Variants in RNF19A observed in about 807,000 individuals in gnomAD.
RNF19A encodes the protein ring finger protein 19A, RBR E3 ubiquitin protein ligase.
A neutral mutation model predicts 75.7 loss-of-function variants in RNF19A; 32 were observed. The ratio of observed to expected loss-of-function variants is 0.42; its 90% CI spans 0.32 to 0.57. RNF19A has a LOEUF of 0.57. Among genes scored for constraint, RNF19A ranks in the 20% least tolerant of loss-of-function variants. The probability of loss-of-function intolerance (pLI) is 0.10; values close to 1 mark genes in which losing one functional copy is unlikely to be tolerated. For synonymous variants in RNF19A, 335 were observed against 345.2 expected, an observed-to-expected ratio of 0.97 and a Z score of 0.33; for missense variants, 782 against 1,036.3, an observed-to-expected ratio of 0.75 and a Z score of 3.37.
In RNF19A at chr8:100,288,103, T is replaced by G. The variant is rs747610458; in HGVS notation, c.72A>C (p.Ser24=). 1 of 1,614,128 alleles carries G rather than the reference T, an allele frequency of 6.2e-7. No homozygotes were observed. Residue 24 remains serine, a synonymous_variant, in exon 2 of 10, where the codon TCA becomes TCC. Coordinates refer to ENST00000341084, the MANE Select transcript of RNF19A (RefSeq NM_183419.4). The part of the protein sequence containing the change: ...EGLCVNTDPV[S]ILTSILDMSL... Reference sequence around the variant, plus strand: ...TCATGTCTAAAATGCTTGTTAGAATTGAGACAGGGTCAGTGTTTACACACA... The same window carrying G: ...TCATGTCTAAAATGCTTGTTAGAATGGAGACAGGGTCAGTGTTTACACACA...
chr8:100,323,301 T>C lies in RNF19A; in HGVS notation c.-242-9929A>G, dbSNP rs1788185. Among the ~76,000 whole-genome samples, 49,430 of 152,136 alleles carry C rather than the reference T, an allele frequency of 0.32. 8,705 individuals carry two copies. The highest frequency in any genetic ancestry group is 0.41 in the East Asian group (2,146 of 5,176). On this transcript the variant is annotated intron_variant, in intron 1 of 3. Coordinates refer to the RNF19A transcript ENST00000519527. The surrounding 1 kb of genome is among the most constrained non-coding windows in gnomAD (Gnocchi z 4.6). ...ACTTTATTCTTCTCTGTAATATCAT[T>C]TTTGGAAGTTTTATCTGAATATTTT...
At chr8:100,292,156 T>C (rs1015053333) in intron 1 of RNF19A, among the ~76,000 whole-genome samples, 2 of 152,026 alleles carry the variant, frequency 1.3e-5, no homozygotes, top group Non-Finnish European at 2.9e-5. Flanking sequence ...TACAAAAGAA[T>C]AACAAGCTAT....
In RNF19A at chr8:100,322,663, G is replaced by C. The variant is rs1232503530; in HGVS notation, c.-242-9291C>G. ...GCTTTTGGCCTGCCTTCCTCATTAA[G>C]CTTAATCATTTCTTGTTTTTTGGTT... On this transcript the variant is annotated intron_variant, in intron 1 of 3. Coordinates refer to the RNF19A transcript ENST00000519527. This position sits in a 1 kb window ranked among gnomAD's most constrained non-coding sequence, Gnocchi z 5.1. Among the ~76,000 whole-genome samples, 2 of 152,234 alleles carry C rather than the reference G, an allele frequency of 1.3e-5. No individual in the cohort carries two copies. Among genetic ancestry groups the C allele is most frequent in the Non-Finnish European group, 2.9e-5 (2 of 68,056 alleles).
At chr8:100,295,430 G>A (rs1005168724) in intron 1 of RNF19A, among the ~76,000 whole-genome samples, 2 of 151,978 alleles carry the variant, frequency 1.3e-5, no homozygotes, top group Non-Finnish European at 2.9e-5. Flanking sequence ...CTAGTATACA[G>A]AATATTCATT....
At chr8:100,306,322 C>A (rs1822059021) in intron 1 of RNF19A, among the ~76,000 whole-genome samples, 1 of 152,150 alleles carries the variant, frequency 6.6e-6, no homozygotes, top group African/African-American at 2.4e-5. Flanking sequence ...AACAACTGAA[C>A]ACTTCTGTCA....
At position 100,258,099 on chromosome 8, in the gene RNF19A, G is replaced by T; in HGVS notation, c.*457C>A. ...TGCCGATATAAATAGAAATGTTACAGAGTATCATATACTGAGAGTAACCTA... is the reference window on the plus strand; with the variant it reads ...TGCCGATATAAATAGAAATGTTACATAGTATCATATACTGAGAGTAACCTA... On this transcript the variant is annotated 3_prime_UTR_variant, in exon 10 of 10. Coordinates refer to ENST00000341084, the MANE Select transcript of RNF19A (RefSeq NM_183419.4). This position sits in a 1 kb window ranked among gnomAD's most constrained non-coding sequence, Gnocchi z 4.3. The T allele has an allele frequency of 2.5e-6, 1 of 398,934 alleles. No individual in the cohort carries two copies. Among genetic ancestry groups the T allele is most frequent in the South Asian group, 1.3e-4 (1 of 7,854 alleles). 24.7% of individuals were successfully genotyped at this position (398,934 alleles called of 1,614,324 possible). A position where few individuals can be genotyped will look rare whatever the true frequency, so the allele number is the denominator to read the frequency against.
chr8:100,284,424 T>C lies in RNF19A; in HGVS notation c.674+3077A>G, dbSNP rs1563849653. 6.6e-6 allele frequency among the ~76,000 whole-genome samples: 1 copy of C among 152,228 alleles called. No homozygotes were observed. The highest frequency in any genetic ancestry group is 1.5e-5 in the Non-Finnish European group (1 of 67,958). ...AGAGCAGTATAAGTCAAATATAAAA[T>C]AAAATACACAAAAGTAATCTCTGTG... On this transcript the variant is annotated intron_variant, in intron 2 of 9. Coordinates refer to ENST00000341084, the MANE Select transcript of RNF19A (RefSeq NM_183419.4). The surrounding 1 kb of genome is among the most constrained non-coding windows in gnomAD (Gnocchi z 4.3).
chr8:100,280,389 C>G (rs1330040105), intron 2 of RNF19A, among the ~76,000 whole-genome samples: 1 of 152,060 alleles, frequency 6.6e-6, no homozygotes, highest in Non-Finnish European at 1.5e-5. Flanking sequence ...GAGAGGAAGA[C>G]AGAGGACAGG....
rs868166222 is a variant in RNF19A at position 100,275,895 on chromosome 8, A to T, written c.675-734T>A. ...TGTGATAATTTTGTATGTATGCAGA[A>T]GTCACACATTTTTCTTCCTAAGATG... On this transcript the variant is annotated intron_variant, in intron 2 of 9. Transcript: ENST00000341084. The surrounding 1 kb of genome is among the most constrained non-coding windows in gnomAD (Gnocchi z 4.3). Among the ~76,000 whole-genome samples, 1 of 152,194 alleles carries T rather than the reference A, an allele frequency of 6.6e-6. No homozygotes were observed. The highest frequency in any genetic ancestry group is 1.5e-5 in the Non-Finnish European group (1 of 68,026).
In RNF19A at chr8:100,329,777, T is replaced by G. The variant is rs1822586416; in HGVS notation, c.-243+6331A>C. On this transcript the variant is annotated intron_variant, in intron 1 of 3. Coordinates refer to the RNF19A transcript ENST00000519527. This position sits in a 1 kb window ranked among gnomAD's most constrained non-coding sequence, Gnocchi z 4.3. ...ATCGTCTGATGAAAGAAGAAGTAGC[T>G]TCATGGTTTGTTAATCCAGAGGGCA... 6.6e-6 allele frequency among the ~76,000 whole-genome samples: 1 copy of G among 152,188 alleles called. No homozygotes were observed. Among genetic ancestry groups the G allele is most frequent in the Non-Finnish European group, 1.5e-5 (1 of 68,038 alleles).
chr8:100,305,424 G>A (rs1042196367), intron 1 of RNF19A, among the ~76,000 whole-genome samples: 8 of 152,220 alleles, frequency 5.3e-5, no homozygotes, highest in South Asian at 2.1e-4. Context: ...CATACAAAAC[G>A]CCCCTAGAGC....
intron 2 of RNF19A, among the ~76,000 whole-genome samples, chr8:100,286,341 T>C (rs896730861): frequency 1.3e-5 from 2 of 152,210 alleles, no homozygotes; most frequent in Middle Eastern, 6.3e-3. Context: ...ATCTATATTA[T>C]AGTACAAGCT....
intron 1 of RNF19A, among the ~76,000 whole-genome samples, chr8:100,293,081 A>C (rs1378296107): frequency 1.3e-5 from 2 of 152,200 alleles, no homozygotes; most frequent in East Asian, 1.9e-4. Flanking sequence ...TCCTATGAGA[A>C]ATCATTGTTG....
At position 100,259,720 on chromosome 8, in the gene RNF19A, G is replaced by A; in HGVS notation, c.1826+134C>T. On this transcript the variant is annotated intron_variant, in intron 9 of 9. Transcript: ENST00000341084. The surrounding 1 kb of genome is among the most constrained non-coding windows in gnomAD (Gnocchi z 4.5). ...TGATCTATACAGATTTGCCTACTCT[G>A]GACAGCTCACTGTTTCCTTTTCTCA... 1 of 764,866 alleles carries A rather than the reference G, an allele frequency of 1.3e-6. No individual in the cohort carries two copies. The highest frequency in any genetic ancestry group is 2.1e-6 in the Non-Finnish European group (1 of 482,106). The allele number at this position is 764,866 out of a possible 1,614,324, so 47.4% of individuals were successfully genotyped here.
chr8:100,303,323 C>T (rs1821923599), intron 1 of RNF19A: 1 of 152,226 alleles, frequency 6.6e-6, no homozygotes, highest in South Asian at 2.1e-4. Context: ...ACTGCTTCCT[C>T]CTTTTCTGCG....
In RNF19A at chr8:100,328,750, G is replaced by T. The variant is rs191791081; in HGVS notation, c.-243+7358C>A. ...CTCCCAAAGTGCTGGCATTACAGGCGTGAGACACCGCACCTGGTCTGCGTT... is the reference window on the plus strand; with the variant it reads ...CTCCCAAAGTGCTGGCATTACAGGCTTGAGACACCGCACCTGGTCTGCGTT... On this transcript the variant is annotated intron_variant, in intron 1 of 3. Coordinates refer to the RNF19A transcript ENST00000519527. Among the ~76,000 whole-genome samples the T allele has an allele frequency of 7.1e-4, 108 of 152,296 alleles. 1 individual carries two copies. The highest frequency in any genetic ancestry group is 2.1e-4 in the Non-Finnish European group (14 of 68,022).
At chr8:100,300,882 T>C (rs1821792398) in intron 1 of RNF19A, among the ~76,000 whole-genome samples, 1 of 152,216 alleles carries the variant, frequency 6.6e-6, no homozygotes, top group Non-Finnish European at 1.5e-5. Flanking sequence ...CTACAAATTC[T>C]GGACCTATTT....
At position 100,319,795 on chromosome 8, in the gene RNF19A, G is replaced by C. The variant is rs564802219; in HGVS notation, c.-242-6423C>G. ...CCCAACTACCTCAGCCTCCCAAAGTGCTGGGATTACAGGCGTGAGCCACCG... is the reference window on the plus strand; with the variant it reads ...CCCAACTACCTCAGCCTCCCAAAGTCCTGGGATTACAGGCGTGAGCCACCG... On this transcript the variant is annotated intron_variant, in intron 1 of 3. Coordinates refer to the RNF19A transcript ENST00000519527. Among the ~76,000 whole-genome samples, 508 of 150,524 alleles carry C rather than the reference G, an allele frequency of 3.4e-3. 2 individuals carry two copies. Among genetic ancestry groups the C allele is most frequent in the African/African-American group, 0.012 (473 of 40,956 alleles).
intron 4 of RNF19A, 42 bp from the exon 5 acceptor site, chr8:100,268,989 C>A: frequency 1.4e-6 from 2 of 1,478,888 alleles, no homozygotes; most frequent in Non-Finnish European, 9.1e-7. Flanking sequence ...CTGCAAAACA[C>A]CACAATAACA....
Sources: allele counts gnomAD v4.1 joint callset (sites outside exome capture counted in the v4.1 genomes callset), GRCh38; gene constraint gnomAD v4.1.1; non-coding constraint Gnocchi (gnomAD v3.1); transcripts MANE v1.5; gene names NCBI Gene and HGNC (gene_info 2026-07-23, HGNC 2026-07-21).